The following PMS2 variants were observed in gnomAD, a reference collection of about 807,000 sequenced individuals.
The protein encoded by PMS2 is mismatch repair endonuclease PMS2.
A neutral mutation model predicts 90.0 loss-of-function variants in PMS2; 69 were observed. The observed-to-expected ratio is 0.77, with a 90% confidence interval of 0.63 to 0.94. The LOEUF is 0.94. Ranked by LOEUF, PMS2 falls within the 40% of genes least tolerant of loss-of-function variation. The pLI is 0.00. For missense variants in PMS2, 966 were observed against 1,040.2 expected (o/e 0.93, Z 0.98); for synonymous variants, 332 against 375.1 (o/e 0.89, Z 1.33).
intron 1 of PMS2, 65 bp downstream of exon 1, chr7:6,008,932 G>C: frequency 6.3e-7 from 1 of 1,591,210 alleles, no homozygotes; most frequent in Non-Finnish European, 8.6e-7. Flanking sequence ...AGGGAGGTTG[G>C]AATGCCGTGG....
At chr7:5,983,949 G>C (rs13224353) in intron 11 of PMS2, among the ~76,000 whole-genome samples, 8 of 151,846 alleles carry the variant, frequency 5.3e-5, no homozygotes, top group Non-Finnish European at 8.8e-5. Flanking sequence ...ACCGCACCTG[G>C]CCTACTTCAT....
chr7:5,998,082 T>G (rs1291975193), intron 6 of PMS2, among the ~76,000 whole-genome samples: 1 of 150,928 alleles, frequency 6.6e-6, no homozygotes, highest in Admixed American at 6.6e-5. Context: ...ACTTTGTTTT[T>G]TTTTTTTTTT....
chr7:5,983,682 C>G (rs1008145861), intron 11 of PMS2, among the ~76,000 whole-genome samples: 1 of 151,300 alleles, frequency 6.6e-6, no homozygotes, highest in Admixed American at 6.6e-5. Context: ...CGGAGTCTCA[C>G]TCTCTGTTGC....
At chr7:5,999,568 A>G (rs1253526309) in intron 5 of PMS2, among the ~76,000 whole-genome samples, 2 of 151,998 alleles carry the variant, frequency 1.3e-5, no homozygotes, top group Non-Finnish European at 2.9e-5. Context: ...GGGCAGGAGG[A>G]TCACTTGAGA....
chr7:6,000,016 AGAAT>A (rs142213233), intron 5 of PMS2, among the ~76,000 whole-genome samples: 64 of 152,286 alleles, frequency 4.2e-4, no homozygotes, highest in African/African-American at 1.4e-3. Context: ...ATAGCGCAGC[AGAAT>A]GACAACAAAT....
intron 4 of PMS2, 189 bp downstream of exon 4, chr7:6,003,501 C>T (rs1378248720): frequency 2.2e-5 from 13 of 594,766 alleles, no homozygotes; most frequent in Non-Finnish European, 5.9e-6. Flanking sequence ...ATACTATTTG[C>T]TTCATTTCAT....
intron 2 of PMS2, among the ~76,000 whole-genome samples, chr7:6,005,228 T>G (rs1230745265): frequency 6.6e-6 from 1 of 151,768 alleles, no homozygotes; most frequent in Admixed American, 6.6e-5. Context: ...GTTTTTGAGA[T>G]GGAATCTTGC....
chr7:5,975,756 CTT>C (rs1222836125), intron 14 of PMS2, among the ~76,000 whole-genome samples: 1 of 73,518 alleles, frequency 1.4e-5, no homozygotes, highest in Admixed American at 1.4e-4. Flanking sequence ...AGGCTGGTCT[CTT>C]AACTCCTGGC....
intron 11 of PMS2, among the ~76,000 whole-genome samples, chr7:5,983,344 C>T (rs1336658795): frequency 6.6e-6 from 1 of 151,494 alleles, no homozygotes; most frequent in Non-Finnish European, 1.5e-5. Flanking sequence ...CTCCTGACCT[C>T]ATGATCTGCC....
At chr7:5,988,026 C>G (rs1429903204) in intron 10 of PMS2, among the ~76,000 whole-genome samples, 3 of 135,976 alleles carry the variant, frequency 2.2e-5, no homozygotes, top group Admixed American at 8.2e-5. Flanking sequence ...GCTCTCCAGC[C>G]TGGGTGACAG....
At chr7:5,978,364 G>A (rs533040264) in intron 13 of PMS2, among the ~76,000 whole-genome samples, 356 of 147,642 alleles carry the variant, frequency 2.4e-3, no homozygotes, top group Middle Eastern at 0.01. Context: ...TCCACCTCCC[G>A]GGTTCAAGCG....
intron 7 of PMS2, among the ~76,000 whole-genome samples, chr7:5,996,122 C>T (rs550999673): frequency 6.6e-6 from 1 of 152,254 alleles, no homozygotes; most frequent in East Asian, 1.9e-4. Context: ...CCCAGGGATA[C>T]CGGCATTTCC....
At chr7:5,991,810 G>C (rs1008316224) in intron 9 of PMS2, among the ~76,000 whole-genome samples, 163 bp downstream of exon 9, 1 of 152,030 alleles carries the variant, frequency 6.6e-6, no homozygotes, top group Non-Finnish European at 1.5e-5. Flanking sequence ...CCACACTCCA[G>C]CCTGGGTGAC....
intron 2 of PMS2, among the ~76,000 whole-genome samples, chr7:6,005,201 G>A (rs1785594803): frequency 6.7e-6 from 1 of 149,340 alleles, no homozygotes; most frequent in African/African-American, 2.5e-5. Flanking sequence ...CACTACTCCA[G>A]CCCTATTTTG....
At chr7:5,991,779 C>T (rs1783759024) in intron 9 of PMS2, among the ~76,000 whole-genome samples, 194 bp downstream of exon 9, 2 of 151,820 alleles carry the variant, frequency 1.3e-5, no homozygotes, top group African/African-American at 2.4e-5. Flanking sequence ...GCAGAGGTTG[C>T]AGTGAGCCGA....
chr7:5,995,031 G>GA (rs927007333), intron 8 of PMS2, among the ~76,000 whole-genome samples: 2 of 151,824 alleles, frequency 1.3e-5, no homozygotes, highest in Non-Finnish European at 2.9e-5. Flanking sequence ...TAAAGTAGTA[G>GA]AAAAAAATAT....
intron 5 of PMS2, 146 bp downstream of exon 5, chr7:6,002,307 T>C: frequency 1.5e-6 from 1 of 669,232 alleles, no homozygotes; most frequent in Non-Finnish European, 2.6e-6. Flanking sequence ...AAGTCTTTAA[T>C]GTTAAATCTT....
Position 5,999,253 on chromosome 7 carries a change from A to AC in PMS2, c.559dup (p.Val187GlyfsTer62). 1 of 1,614,038 alleles carries AC rather than the reference A, an allele frequency of 6.2e-7. No homozygotes were observed. The highest frequency in any genetic ancestry group is 8.5e-7 in the Non-Finnish European group (1 of 1,179,932). ...TGAAATGATACAGTATGCATGTAAG[A>AC]CCTGGACCATTTTGGCATACTCCTG... On this transcript the variant is annotated frameshift_variant, in exon 6 of 15. Transcript: ENST00000265849. LOFTEE classifies it high-confidence loss of function.
rs748321124 is a variant in PMS2, at chr7:5,992,325, TC to T, written c.904-269del. 1.7e-3 allele frequency among the ~76,000 whole-genome samples: 257 copies of T among 149,010 alleles called. 9 individuals are homozygous for T. The highest frequency in any genetic ancestry group is 3.6e-3 in the Admixed American group (54 of 14,846). On this transcript the variant is annotated intron_variant, in intron 8 of 14. Coordinates refer to ENST00000265849, the MANE Select transcript of PMS2 (RefSeq NM_000535.7). The stretch of plus-strand genomic sequence containing the variant: ...TTGGATTACAGGCAGGATTTTTTTT[TC>T]TTTTTTTTTTTCAACGGAGTCTCGC...
Sources: gnomAD v4.1 joint callset for allele counts (sites outside exome capture counted in the v4.1 genomes callset) on GRCh38, gnomAD v4.1.1 for gene constraint, MANE v1.5 for transcripts, NCBI Gene and HGNC (gene_info 2026-07-23, HGNC 2026-07-21) for gene names.